ANXA8: variants seen among roughly 807,000 people sequenced by gnomAD.
ANXA8 encodes VAC-beta.
ANXA8 carries 9 observed loss-of-function variants against 26.8 expected under a neutral mutation model. The ratio of observed to expected loss-of-function variants is 0.34; its 90% CI spans 0.20 to 0.59. ANXA8 has a LOEUF of 0.59. Among genes scored for constraint, ANXA8 ranks in the 20% least tolerant of loss-of-function variants. ANXA8 has a pLI of 0.84. For synonymous variants in ANXA8, 39 were observed against 94.8 expected, an observed-to-expected ratio of 0.41 and a Z score of 3.42; for missense variants, 83 against 238.5, an observed-to-expected ratio of 0.35 and a Z score of 4.29.
chr10:47,558,750 TC>T, the ANXA8 span, among the ~76,000 whole-genome samples: 2 of 151,860 alleles, frequency 1.3e-5, no homozygotes, highest in Admixed American at 6.6e-5. Context: ...AAACATCTCT[TC>T]CTTCCTCCCC....
At chr10:47,948,595 A>T in the ANXA8 span, among the ~76,000 whole-genome samples, 6 of 148,730 alleles carry the variant, frequency 4.0e-5, no homozygotes, top group Non-Finnish European at 8.9e-5. Context: ...ATTTAAATGA[A>T]TCTTTAGTAA....
At chr10:47,763,660 T>C in the ANXA8 span, 7 of 187,972 alleles carry the variant, frequency 3.7e-5, no homozygotes, top group African/African-American at 1.4e-4. Context: ...GTAAGGTCGC[T>C]GCGTGTCCTC....
In ANXA8 at chr10:47,475,029, T is replaced by A; in HGVS notation, c.493-25A>T. The stretch of plus-strand genomic sequence containing the variant: ...CCTAGGAACAGAGGAGGTGGCTCTG[T>A]AAGGCAGGCCAGCTGACCAGAGCAT... On this transcript the variant is annotated intron_variant, in intron 6 of 11. Transcript: ENST00000585281. 7 of 1,534,096 alleles carry A rather than the reference T, an allele frequency of 4.6e-6. 1 individual carries two copies. Among genetic ancestry groups the A allele is most frequent in the Admixed American group, 1.8e-5 (1 of 56,108 alleles).
At chr10:47,717,997 C>CAAAA in the ANXA8 span, among the ~76,000 whole-genome samples, 2 of 55,492 alleles carry the variant, frequency 3.6e-5, no homozygotes, top group African/African-American at 8.6e-5. Flanking sequence ...TACTCTGTCT[C>CAAAA]AAAAAAAAAA....
At position 47,484,087 on chromosome 10, in the gene ANXA8, T is replaced by C; in HGVS notation, c.-154A>G. The stretch of plus-strand genomic sequence containing the variant: ...AGCCCGCCCAGGGCAGCGCCACACC[T>C]GCCTGCCGTCCCCTCGCCCCCGGGC... On this transcript the variant is annotated 5_prime_UTR_variant, in exon 1 of 12. Coordinates refer to ENST00000585281, the MANE Select transcript of ANXA8 (RefSeq NM_001040084.3). 1 of 1,593,646 alleles carries C rather than the reference T, an allele frequency of 6.3e-7. No homozygotes were observed. The highest frequency in any genetic ancestry group is 8.6e-7 in the Non-Finnish European group (1 of 1,164,792).
chr10:47,953,682 AAAC>A, the ANXA8 span, among the ~76,000 whole-genome samples: 1 of 149,584 alleles, frequency 6.7e-6, no homozygotes, highest in Non-Finnish European at 1.5e-5. Flanking sequence ...TGCAAAGCTC[AAAC>A]AACTAAATAG....
chr10:47,701,952 A>G, the ANXA8 span, among the ~76,000 whole-genome samples: 2 of 151,280 alleles, frequency 1.3e-5, no homozygotes, highest in African/African-American at 4.9e-5. Flanking sequence ...GGCTAATGAC[A>G]GAAAGGACTG....
chr10:47,670,013 C>T, the ANXA8 span, among the ~76,000 whole-genome samples: 4 of 151,832 alleles, frequency 2.6e-5, no homozygotes, highest in Admixed American at 6.6e-5. Context: ...GCAGTCACTC[C>T]CCATTCCCTC....
chr10:47,674,713 T>G, the ANXA8 span, among the ~76,000 whole-genome samples: 6 of 151,814 alleles, frequency 4.0e-5, no homozygotes, highest in Non-Finnish European at 8.8e-5. Flanking sequence ...CTCTTCTTCC[T>G]CATTTATTTA....
the ANXA8 span, among the ~76,000 whole-genome samples, chr10:47,589,899 T>C: frequency 3.4e-4 from 42 of 124,988 alleles, no homozygotes; most frequent in South Asian, 9.8e-3. Context: ...GAAAGATAGA[T>C]AGATGATAGA....
At chr10:47,709,624 T>C in the ANXA8 span, among the ~76,000 whole-genome samples, 4 of 138,402 alleles carry the variant, frequency 2.9e-5, no homozygotes, top group Non-Finnish European at 4.6e-5. Flanking sequence ...AAAAGCTCTC[T>C]GAGCTCAGGG....
At chr10:47,484,538 C>T (rs1839988655), upstream of ANXA8, 20 of 1,473,918 alleles carry the variant, frequency 1.4e-5, no homozygotes, top group South Asian at 2.6e-4. Flanking sequence ...CCTTATACAG[C>T]ATGCCATACT....
At chr10:47,565,288 G>A in the ANXA8 span, 1 of 519,682 alleles carries the variant, frequency 1.9e-6, no homozygotes, top group East Asian at 2.9e-5. Context: ...CTGCCACCAG[G>A]AGTGCAGCTG....
the ANXA8 span, among the ~76,000 whole-genome samples, chr10:47,639,257 C>T: frequency 5.6e-3 from 819 of 145,306 alleles, no homozygotes; most frequent in South Asian, 0.021. Context: ...CTCAGCCTCC[C>T]GAGCAGCTGG....
the ANXA8 span, among the ~76,000 whole-genome samples, chr10:47,599,028 CTGTG>C: frequency 6.9e-6 from 1 of 145,366 alleles, no homozygotes; most frequent in Non-Finnish European, 1.5e-5. Flanking sequence ...ATAGCTACAA[CTGTG>C]TGTTAGGATT....
chr10:47,481,514 G>C (rs1309931319), intron 1 of ANXA8, among the ~76,000 whole-genome samples: 1 of 145,132 alleles, frequency 6.9e-6, no homozygotes, highest in Non-Finnish European at 1.5e-5. Flanking sequence ...CTGGGAATGT[G>C]GGAGGCATCT....
At chr10:47,577,224 CAAAA>C in the ANXA8 span, among the ~76,000 whole-genome samples, 7 of 110,846 alleles carry the variant, frequency 6.3e-5, no homozygotes, top group African/African-American at 1.4e-4. Flanking sequence ...GACTCCATCT[CAAAA>C]AAAAAAAAAA....
the ANXA8 span, among the ~76,000 whole-genome samples, chr10:47,659,407 C>T: frequency 7.3e-5 from 11 of 151,634 alleles, no homozygotes; most frequent in East Asian, 1.9e-4. Context: ...AGGCCGGGCG[C>T]GGTGGCTCAT....
At chr10:47,715,660 G>A in the ANXA8 span, 1 of 1,267,708 alleles carries the variant, frequency 7.9e-7, no homozygotes, top group Non-Finnish European at 1.1e-6. Flanking sequence ...GGTTATATTT[G>A]GGAATTTAAA....
Sources: gnomAD v4.1 joint callset for allele counts (sites outside exome capture counted in the v4.1 genomes callset) on GRCh38, gnomAD v4.1.1 for gene constraint, MANE v1.5 for transcripts, NCBI Gene and HGNC (gene_info 2026-07-23, HGNC 2026-07-21) for gene names.